NRXN3: variants seen among roughly 807,000 people sequenced by gnomAD.
The protein encoded by NRXN3 is neurexin 3, also known as neurexin III.
In NRXN3, 32 loss-of-function variants were observed where a neutral mutation model predicts 137.6. That is an observed-to-expected ratio of 0.23 (90% CI 0.18 to 0.31). NRXN3 has a LOEUF of 0.31. Ranked by LOEUF, NRXN3 falls within the 10% of genes least tolerant of loss-of-function variation. NRXN3 has a pLI of 1.00. For synonymous variants in NRXN3, 798 were observed against 784.5 expected (o/e 1.02, Z -0.29); for missense variants, 1,574 against 2,062.5 (o/e 0.76, Z 4.59).
rs1174226064 is a variant in NRXN3, at chr14:79,643,255, T to G, written c.3445-20523T>G. Among the ~76,000 whole-genome samples, 2 of 135,848 alleles carry G rather than the reference T, an allele frequency of 1.5e-5. 1 individual carries two copies. Among genetic ancestry groups the G allele is most frequent in the Non-Finnish European group, 3.4e-5 (2 of 58,400 alleles). 89.1% of individuals were successfully genotyped at this position (135,848 alleles called of 152,430 possible). A position where few individuals can be genotyped will look rare whatever the true frequency, so the allele number is the denominator to read the frequency against. ...AAAATATATATCAAATTATGCTATC[T>G]CACCACATCACAGTATAGCTGCTAC... is the stretch of plus-strand genomic sequence containing the variant. On this transcript the variant is annotated intron_variant, in intron 16 of 20. Transcript: ENST00000335750.
rs948269759 is a variant in NRXN3 at position 78,463,249 on chromosome 14, A to G, written c.757+165389A>G. ...ATATGTATACATGGTGTGTGTGTGT[A>G]TATATGTATGTATATCTCAAATTTT... On this transcript the variant is annotated intron_variant, in intron 4 of 20. Coordinates refer to ENST00000335750, the MANE Select transcript of NRXN3 (RefSeq NM_001330195.2). Among the ~76,000 whole-genome samples, 22 of 152,046 alleles carry G rather than the reference A, an allele frequency of 1.4e-4. 1 individual carries two copies. The highest frequency in any genetic ancestry group is 1.1e-3 in the Admixed American group (17 of 15,260).
chr14:79,643,282 A>G (rs764126032), intron 16 of NRXN3, among the ~76,000 whole-genome samples: 1 of 135,668 alleles, frequency 7.4e-6, no homozygotes, highest in Non-Finnish European at 1.7e-5. Context: ...AGCTGCTACT[A>G]TTCCTCCTGT....
At chr14:79,116,704 G>A (rs547297269) in intron 15 of NRXN3, among the ~76,000 whole-genome samples, 2 of 152,242 alleles carry the variant, frequency 1.3e-5, no homozygotes, top group Non-Finnish European at 2.9e-5. Flanking sequence ...AAATGTTAGG[G>A]CAGTGATGCC....
At chr14:79,260,821 T>A (rs1027813299) in intron 15 of NRXN3, among the ~76,000 whole-genome samples, 1 of 152,186 alleles carries the variant, frequency 6.6e-6, no homozygotes, top group Admixed American at 6.5e-5. Context: ...ATATTCCCAA[T>A]GTCCTAGTCA....
At chr14:78,838,779 G>C (rs778319742) in intron 10 of NRXN3, among the ~76,000 whole-genome samples, 1 of 152,058 alleles carries the variant, frequency 6.6e-6, no homozygotes, top group Non-Finnish European at 1.5e-5. Context: ...AGTTCCTATT[G>C]ATTGGGCACT....
intron 19 of NRXN3, among the ~76,000 whole-genome samples, chr14:79,737,700 C>T (rs1355809194): frequency 6.6e-6 from 1 of 151,332 alleles, no homozygotes; most frequent in African/African-American, 2.4e-5. Flanking sequence ...CCATATGTCA[C>T]ATCATGGTGT....
At chr14:78,577,053 C>T (rs943920174) in intron 4 of NRXN3, among the ~76,000 whole-genome samples, 2 of 152,152 alleles carry the variant, frequency 1.3e-5, no homozygotes, top group African/African-American at 2.4e-5. Flanking sequence ...TTGCAGAATA[C>T]CCCCAAAGCT....
At chr14:79,566,277 A>G (rs2097549630) in intron 16 of NRXN3, among the ~76,000 whole-genome samples, 1 of 152,080 alleles carries the variant, frequency 6.6e-6, no homozygotes. Context: ...CACTTCTTCT[A>G]TCTCTGGGAT....
intron 6 of NRXN3, among the ~76,000 whole-genome samples, chr14:78,707,859 C>G (rs908045484): frequency 1.3e-5 from 2 of 152,144 alleles, no homozygotes; most frequent in African/African-American, 4.8e-5. Flanking sequence ...CCAGTCTTAT[C>G]CAGGTCACTG....
In NRXN3 at chr14:78,232,297, C is replaced by T. The variant is rs1029092629; in HGVS notation, c.-703-10094C>T. ...CTTGCTCCATTAATGGAGAATTTGT[C>T]AAGTAATGGGAATAATTAGCACAGT... On this transcript the variant is annotated intron_variant, in intron 1 of 20. Transcript: ENST00000335750. Among the ~76,000 whole-genome samples the T allele has an allele frequency of 2.0e-5, 3 of 152,220 alleles. No homozygotes were observed. In the South Asian group the frequency reaches 6.2e-4, roughly 31 times the overall value.
intron 4 of NRXN3, among the ~76,000 whole-genome samples, chr14:78,440,082 A>G (rs963753839): frequency 5.9e-5 from 9 of 152,386 alleles, no homozygotes; most frequent in Admixed American, 5.2e-4. Flanking sequence ...GCAGTGGAGT[A>G]GAAGGCCGCA....
At chr14:78,978,789 A>G (rs942614418) in intron 14 of NRXN3, among the ~76,000 whole-genome samples, 2 of 148,508 alleles carry the variant, frequency 1.3e-5, no homozygotes, top group Non-Finnish European at 3.0e-5. Context: ...TATATTATTT[A>G]TATACATATG....
chr14:79,130,971 C>A (rs1388960581), intron 15 of NRXN3, among the ~76,000 whole-genome samples: 1 of 152,194 alleles, frequency 6.6e-6, no homozygotes, highest in Non-Finnish European at 1.5e-5. Context: ...TTGATCGCAT[C>A]GGCTCCTGAG....
At chr14:78,613,145 C>G (rs1241662653) in intron 4 of NRXN3, among the ~76,000 whole-genome samples, 1 of 151,660 alleles carries the variant, frequency 6.6e-6, no homozygotes, top group Non-Finnish European at 1.5e-5. Context: ...CCCTCTGACT[C>G]CTTTAACTTG....
At chr14:79,130,214 T>C (rs531521522) in intron 15 of NRXN3, among the ~76,000 whole-genome samples, 2 of 152,170 alleles carry the variant, frequency 1.3e-5, no homozygotes, top group East Asian at 1.9e-4. Flanking sequence ...AATTTGATCC[T>C]GTCATTATGA....
chr14:78,534,990 G>T, intron 4 of NRXN3, among the ~76,000 whole-genome samples: 1 of 152,130 alleles, frequency 6.6e-6, no homozygotes, highest in East Asian at 1.9e-4. Context: ...TACAAACAAG[G>T]ACAGACCTGA....
At chr14:79,570,913 G>A (rs1367349991) in intron 16 of NRXN3, among the ~76,000 whole-genome samples, 1 of 152,168 alleles carries the variant, frequency 6.6e-6, no homozygotes, top group Non-Finnish European at 1.5e-5. Context: ...AAGCTCACTG[G>A]AGTCTTTTCT....
intron 16 of NRXN3, among the ~76,000 whole-genome samples, chr14:79,591,380 T>G (rs2097801989): frequency 6.6e-6 from 1 of 152,214 alleles, no homozygotes; most frequent in Non-Finnish European, 1.5e-5. Flanking sequence ...AGCAATCCAG[T>G]GTTAGGATTT....
At position 79,632,026 on chromosome 14, in the gene NRXN3, C is replaced by T. The variant is rs373771743; in HGVS notation, c.3445-31752C>T. ...AAAAGCAGGCCACCTGAGCCAGCAG[C>T]GGCATCCTGGTGGGTCTCCTTCCAC... On this transcript the variant is annotated intron_variant, in intron 16 of 20. Transcript: ENST00000335750. Among the ~76,000 whole-genome samples, 53 of 152,272 alleles carry T rather than the reference C, an allele frequency of 3.5e-4. 1 individual carries two copies. In the South Asian group the frequency reaches 1.0e-2, roughly 29 times the overall value.
Sources: allele counts gnomAD v4.1 joint callset (sites outside exome capture counted in the v4.1 genomes callset), GRCh38; gene constraint gnomAD v4.1.1; transcripts MANE v1.5; gene names NCBI Gene and HGNC (gene_info 2026-07-23, HGNC 2026-07-21).